RGL1: variants seen among roughly 807,000 people sequenced by gnomAD.
RGL1 encodes the protein ral guanine nucleotide dissociation stimulator like 1.
A neutral mutation model predicts 95.2 loss-of-function variants in RGL1; 24 were observed. That is an observed-to-expected ratio of 0.25 (90% CI 0.18 to 0.35). The LOEUF (loss-of-function observed/expected upper bound fraction) is 0.35, where lower values mean the gene tolerates loss of function less well. Ranked by LOEUF, RGL1 falls within the 10% of genes least tolerant of loss-of-function variation. The pLI, the probability that RGL1 is intolerant of heterozygous loss-of-function variation, is 1.00. For missense variants in RGL1, 715 were observed against 936.3 expected, an observed-to-expected ratio of 0.76 and a Z score of 3.08; for synonymous variants, 329 against 344.9, an observed-to-expected ratio of 0.95 and a Z score of 0.51.
intron 1 of RGL1, among the ~76,000 whole-genome samples, chr1:183,718,070 C>A (rs1655739881): frequency 6.6e-6 from 1 of 152,014 alleles, no homozygotes; most frequent in Admixed American, 6.6e-5. Context: ...CACGGTGAAA[C>A]CCTATCTCTA....
At position 183,791,502 on chromosome 1, in the gene RGL1, T is replaced by A. The variant is rs145335446; in HGVS notation, c.133-14873T>A. Among the ~76,000 whole-genome samples, 66 of 152,328 alleles carry A rather than the reference T, an allele frequency of 4.3e-4. 1 individual carries two copies. The East Asian group carries it at 0.013, about 29-fold the overall frequency. The stretch of plus-strand genomic sequence containing the variant: ...TTCTTGGTTTCATCCAAAAGACAAA[T>A]ATTTCTGGGAAAACACTGTGTTTAA... On this transcript the variant is annotated intron_variant, in intron 2 of 18. Coordinates refer to the RGL1 transcript ENST00000304685.
chr1:183,658,057 G>A (rs1036121678), intron 1 of RGL1, among the ~76,000 whole-genome samples: 5 of 152,128 alleles, frequency 3.3e-5, no homozygotes, highest in South Asian at 2.1e-4. Context: ...TTTTATAAAC[G>A]GGAATTTTTC....
At chr1:183,875,633 T>C (rs527556685) in intron 4 of RGL1, among the ~76,000 whole-genome samples, 2 of 152,064 alleles carry the variant, frequency 1.3e-5, no homozygotes, top group South Asian at 2.1e-4. Context: ...CCTAGCACTT[T>C]GGGAGGCCAA....
chr1:183,726,683 G>A (rs965065237), intron 1 of RGL1, among the ~76,000 whole-genome samples: 6 of 151,956 alleles, frequency 3.9e-5, no homozygotes, highest in Non-Finnish European at 7.4e-5. Context: ...TTCTATTACC[G>A]GGTCAGTTTA....
chr1:183,916,709 G>T lies in RGL1; in HGVS notation c.2004+8G>T, dbSNP rs1465521552. 8.7e-6 allele frequency: 14 copies of T among 1,608,566 alleles called. No individual in the cohort carries two copies. Among genetic ancestry groups the T allele is most frequent in the Admixed American group, 1.7e-5 (1 of 59,888 alleles). ...ATGTACAAGAGCATCATGGTGAGGA[G>T]CAAGCCCTGACCCAGGAGCGGGTTT... On this transcript the variant is annotated splice_region_variant and intron_variant, in intron 16 of 17. Coordinates refer to ENST00000360851, the MANE Select transcript of RGL1 (RefSeq NM_001297671.3).
In RGL1 at chr1:183,691,788, G is replaced by T. The variant is rs142072664; in HGVS notation, c.-32-50338G>T. ...TGACACTGGAAACTTGTGCATTTTTGATTTATAAACCTGAAATATGCATAA... is the reference window on the plus strand; with the variant it reads ...TGACACTGGAAACTTGTGCATTTTTTATTTATAAACCTGAAATATGCATAA... On this transcript the variant is annotated intron_variant, in intron 1 of 18. Transcript: ENST00000304685. 1.9e-4 allele frequency among the ~76,000 whole-genome samples: 29 copies of T among 152,160 alleles called. No homozygotes were observed. The East Asian group carries it at 4.8e-3, about 25-fold the overall frequency.
intron 1 of RGL1, among the ~76,000 whole-genome samples, chr1:183,690,447 G>A (rs1332185435): frequency 6.6e-6 from 1 of 152,028 alleles, no homozygotes; most frequent in Non-Finnish European, 1.5e-5. Flanking sequence ...AGAATTCGAT[G>A]GGGTAGGGAG....
intron 1 of RGL1, among the ~76,000 whole-genome samples, chr1:183,661,235 C>CA (rs1487832468): frequency 6.6e-6 from 1 of 151,982 alleles, no homozygotes; most frequent in East Asian, 1.9e-4. Context: ...AATAGAGACA[C>CA]AAAAAACCCT....
intron 1 of RGL1, among the ~76,000 whole-genome samples, chr1:183,732,534 G>A (rs1252139310): frequency 6.6e-6 from 1 of 152,124 alleles, no homozygotes; most frequent in Non-Finnish European, 1.5e-5. Flanking sequence ...ATCGAATACT[G>A]TATGTGTGTG....
chr1:183,868,948 C>G (rs1041666361), intron 4 of RGL1, among the ~76,000 whole-genome samples: 1 of 152,110 alleles, frequency 6.6e-6, no homozygotes, highest in Non-Finnish European at 1.5e-5. Context: ...GACTCTGTCT[C>G]TACAAAAATT....
intron 4 of RGL1, among the ~76,000 whole-genome samples, chr1:183,868,828 A>G (rs1665990124): frequency 6.6e-6 from 1 of 152,226 alleles, no homozygotes; most frequent in Non-Finnish European, 1.5e-5. Flanking sequence ...AAAAATATCC[A>G]GAGCTGGCCG....
At chr1:183,636,163 T>C (rs948828557) in exon 1 of RGL1, 13 of 399,186 alleles carry the variant, frequency 3.3e-5, no homozygotes, top group Non-Finnish European at 5.7e-5. Flanking sequence ...GCTGCAGCCG[T>C]CAACGACCTA....
At chr1:183,889,635 A>G (rs1667304424) in intron 8 of RGL1, among the ~76,000 whole-genome samples, 1 of 152,208 alleles carries the variant, frequency 6.6e-6, no homozygotes. Flanking sequence ...CAGAATCCTC[A>G]AGCTTGCTGA....
At chr1:183,861,013 G>A (rs887406339) in intron 3 of RGL1, among the ~76,000 whole-genome samples, 5 of 152,086 alleles carry the variant, frequency 3.3e-5, no homozygotes, top group African/African-American at 4.8e-5. Context: ...CCTGCTGCAC[G>A]TATTAGTTGT....
chr1:183,745,019 T>C (rs1024456686), intron 2 of RGL1, among the ~76,000 whole-genome samples: 40 of 152,272 alleles, frequency 2.6e-4, no homozygotes, highest in African/African-American at 9.6e-4. Context: ...GTTCAACCAT[T>C]CTATATCCTC....
intron 1 of RGL1, among the ~76,000 whole-genome samples, chr1:183,664,832 A>G (rs1651920468): frequency 6.6e-6 from 1 of 152,092 alleles, no homozygotes; most frequent in Non-Finnish European, 1.5e-5. Flanking sequence ...GTCATCTGCA[A>G]ACAAAGACAG....
chr1:183,659,681 C>T (rs1651464925), intron 1 of RGL1, among the ~76,000 whole-genome samples: 5 of 151,930 alleles, frequency 3.3e-5, no homozygotes, highest in Admixed American at 3.3e-4. Flanking sequence ...GGCAGGCCAA[C>T]ATTCAGATTC....
intron 2 of RGL1, among the ~76,000 whole-genome samples, chr1:183,745,009 G>A (rs544781772): frequency 2.4e-4 from 37 of 152,224 alleles, no homozygotes; most frequent in African/African-American, 8.9e-4. Flanking sequence ...GCATATGAAA[G>A]TTCAACCATT....
chr1:183,672,865 C>G (rs761904366), intron 1 of RGL1, among the ~76,000 whole-genome samples: 6 of 152,130 alleles, frequency 3.9e-5, no homozygotes, highest in Non-Finnish European at 8.8e-5. Context: ...CATGGGATGT[C>G]TTTCTAGAGC....
Sources: gnomAD v4.1 joint callset for allele counts (sites outside exome capture counted in the v4.1 genomes callset) on GRCh38, gnomAD v4.1.1 for gene constraint, MANE v1.5 for transcripts, NCBI Gene and HGNC (gene_info 2026-07-23, HGNC 2026-07-21) for gene names.